The following ROBO1 variants were observed in gnomAD, a reference collection of about 807,000 sequenced individuals.
The protein encoded by ROBO1 is roundabout guidance receptor 1, also known as roundabout homolog 1.
In ROBO1, 149 loss-of-function variants were observed where a neutral mutation model predicts 195.9. The observed-to-expected ratio is 0.76, with a 90% CI of 0.67 to 0.87. ROBO1 has a LOEUF of 0.87. Ranked by LOEUF, ROBO1 falls within the 40% of genes least tolerant of loss-of-function variation. The pLI is 0.00. For missense variants in ROBO1, 1,933 were observed against 2,068.3 expected (o/e 0.93, Z 1.27); for synonymous variants, 816 against 733.2 (o/e 1.11, Z -1.82).
chr3:79,466,113 C>T (rs546145025), intron 2 of ROBO1, among the ~76,000 whole-genome samples: 1 of 151,584 alleles, frequency 6.6e-6, no homozygotes, highest in East Asian at 1.9e-4. Context: ...TTTATTTTCT[C>T]TGTGACCAAA....
chr3:79,558,695 G>T (rs1435488262), intron 2 of ROBO1, among the ~76,000 whole-genome samples: 2 of 152,146 alleles, frequency 1.3e-5, no homozygotes, highest in South Asian at 4.1e-4. Flanking sequence ...ATTCTATTCT[G>T]TTATGAATGT....
At chr3:79,276,473 T>C (rs1315782246) in intron 2 of ROBO1, among the ~76,000 whole-genome samples, 1 of 151,958 alleles carries the variant, frequency 6.6e-6, no homozygotes, top group Non-Finnish European at 1.5e-5. Flanking sequence ...CAAATCAAAA[T>C]GGATTATTAA....
intron 3 of ROBO1, among the ~76,000 whole-genome samples, chr3:78,986,009 CAAGAA>C (rs2077098109): frequency 6.6e-6 from 1 of 151,978 alleles, no homozygotes. Context: ...TGATCATGCA[CAAGAA>C]AAGACATGAG....
At chr3:78,877,708 T>TTGAATACA (rs1398058927) in intron 4 of ROBO1, among the ~76,000 whole-genome samples, 1 of 152,176 alleles carries the variant, frequency 6.6e-6, no homozygotes, top group Non-Finnish European at 1.5e-5. Context: ...AAAAGTGTCT[T>TTGAATACA]TGAATACAAG....
intron 1 of ROBO1, among the ~76,000 whole-genome samples, chr3:79,693,258 C>A (rs577604244): frequency 3.3e-5 from 5 of 151,856 alleles, no homozygotes; most frequent in Admixed American, 1.3e-4. Context: ...TACATACATA[C>A]AAACTTTGTC....
rs1269768626 is a variant in ROBO1, at chr3:79,251,783, A to C, written c.89-126244T>G. 7.9e-5 allele frequency among the ~76,000 whole-genome samples: 12 copies of C among 151,616 alleles called. No individual in the cohort carries two copies. The East Asian group carries it at 1.6e-3, about 20-fold the overall frequency. ...AAAAGCAAACAAAAAACAAACAAAC[A>C]AACAACCAAAACAAGAATTAGCCAG... On this transcript the variant is annotated intron_variant, in intron 2 of 30. Transcript: ENST00000464233.
intron 2 of ROBO1, among the ~76,000 whole-genome samples, chr3:79,426,109 CGT>C (rs1466859703): frequency 7.2e-5 from 11 of 152,044 alleles, no homozygotes; most frequent in Non-Finnish European, 5.9e-5. Context: ...TCTAGATACA[CGT>C]GTGTTACATA....
chr3:79,315,515 T>C (rs907327100), intron 2 of ROBO1, among the ~76,000 whole-genome samples: 3 of 152,138 alleles, frequency 2.0e-5, no homozygotes, highest in Non-Finnish European at 4.4e-5. Context: ...CACAAAGTGC[T>C]GTATGAGAAG....
intron 4 of ROBO1, among the ~76,000 whole-genome samples, chr3:78,802,448 C>T (rs1391811647): frequency 1.3e-5 from 2 of 151,986 alleles, no homozygotes; most frequent in Non-Finnish European, 2.9e-5. Context: ...CATTAGAAGA[C>T]AATGCAAAAC....
chr3:79,702,025 C>CACTGCTG (rs1289716728), intron 1 of ROBO1, among the ~76,000 whole-genome samples: 3 of 151,582 alleles, frequency 2.0e-5, no homozygotes, highest in Non-Finnish European at 4.4e-5. Flanking sequence ...CAGATCACAC[C>CACTGCTG]ACTGCTGTTG....
At chr3:79,662,264 G>T (rs2106836362) in intron 1 of ROBO1, among the ~76,000 whole-genome samples, 1 of 152,154 alleles carries the variant, frequency 6.6e-6, no homozygotes. Context: ...CTTTCTTCAT[G>T]ATTGAGATCT....
At chr3:78,843,570 C>T (rs960936592) in intron 4 of ROBO1, among the ~76,000 whole-genome samples, 1 of 151,956 alleles carries the variant, frequency 6.6e-6, no homozygotes, top group Non-Finnish European at 1.5e-5. Context: ...ACCTGTTTGT[C>T]TCAGCTGAAG....
At chr3:79,371,709 AT>A (rs2036200570) in intron 2 of ROBO1, among the ~76,000 whole-genome samples, 1 of 152,190 alleles carries the variant, frequency 6.6e-6, no homozygotes, top group Non-Finnish European at 1.5e-5. Flanking sequence ...AATGGACTGA[AT>A]ATTTGTGTCC....
chr3:79,401,187 TA>T lies in ROBO1; in HGVS notation c.88+188636del, dbSNP rs1258323501. Among the ~76,000 whole-genome samples, 436 of 151,440 alleles carry T rather than the reference TA, an allele frequency of 2.9e-3. 2 individuals are homozygous for T. The highest frequency in any genetic ancestry group is 9.1e-3 in the African/African-American group (376 of 41,400). ...TATTCCTAAGAATTACTGATTTTTTTAAAAAAAAATTAGCTCTAATTTCCCC... is the reference window on the plus strand; with the variant it reads ...TATTCCTAAGAATTACTGATTTTTTTAAAAAAAATTAGCTCTAATTTCCCC... On this transcript the variant is annotated intron_variant, in intron 2 of 30. Coordinates refer to ENST00000464233, the MANE Select transcript of ROBO1 (RefSeq NM_002941.4).
intron 2 of ROBO1, among the ~76,000 whole-genome samples, chr3:79,353,695 G>T (rs1228997983): frequency 6.6e-6 from 1 of 152,068 alleles, no homozygotes; most frequent in Admixed American, 6.6e-5. Flanking sequence ...TAATCAGAGG[G>T]CTATGGTGTT....
In ROBO1 at chr3:78,717,325, AG is replaced by A; in HGVS notation, c.866del (p.Pro289LeufsTer27). The A allele has an allele frequency of 6.2e-7, 1 of 1,610,864 alleles. No homozygotes were observed. Among genetic ancestry groups the A allele is most frequent in the Non-Finnish European group, 8.5e-7 (1 of 1,178,700 alleles). ...CTTTCCTCCATCGTACTGTAGGTAC[AG>A]GGTCACCTCGGGCCTCACATTTAAA... The part of the protein sequence containing the change: ...AEFKCEARGD[P>X]VPTVRWRKDD... On this transcript the variant is annotated frameshift_variant, in exon 7 of 31. Coordinates refer to ENST00000464233, the MANE Select transcript of ROBO1 (RefSeq NM_002941.4). LOFTEE classifies it high-confidence loss of function.
intron 4 of ROBO1, among the ~76,000 whole-genome samples, chr3:78,871,291 T>A (rs952993392): frequency 2.6e-5 from 4 of 152,188 alleles, no homozygotes; most frequent in African/African-American, 9.7e-5. Flanking sequence ...GAGCCAGTCA[T>A]TAGGAAGGTC....
At chr3:78,659,565 T>C in intron 17 of ROBO1, 121 bp downstream of exon 17, 1 of 661,882 alleles carries the variant, frequency 1.5e-6, no homozygotes, top group Non-Finnish European at 2.2e-6. Context: ...ATTTTACATG[T>C]TGCTATTTGG....
intron 10 of ROBO1, among the ~76,000 whole-genome samples, chr3:78,671,750 T>A (rs752908582): frequency 6.6e-6 from 1 of 152,178 alleles, no homozygotes; most frequent in Non-Finnish European, 1.5e-5. Flanking sequence ...AGTTTGAAAC[T>A]TGGCAGAAGG....
Sources: gnomAD v4.1 joint callset for allele counts (sites outside exome capture counted in the v4.1 genomes callset) on GRCh38, gnomAD v4.1.1 for gene constraint, MANE v1.5 for transcripts, NCBI Gene and HGNC (gene_info 2026-07-23, HGNC 2026-07-21) for gene names.